The following NRK variants were observed in gnomAD, a reference collection of about 807,000 sequenced individuals.
NRK encodes nik-related protein kinase.
Under a neutral mutation model 125.2 loss-of-function variants are expected in NRK, and 67 were observed. The ratio of observed to expected loss-of-function variants is 0.54; its 90% CI spans 0.44 to 0.66. The LOEUF (loss-of-function observed/expected upper bound fraction) is 0.66, where lower values mean the gene tolerates loss of function less well. Among genes scored for constraint, NRK ranks in the 30% least tolerant of loss-of-function variants. The pLI, the probability that NRK is intolerant of heterozygous loss-of-function variation, is 0.00. For synonymous variants in NRK, 458 were observed against 429.0 expected, an observed-to-expected ratio of 1.07 and a Z score of -0.84; for missense variants, 1,224 against 1,192.9, an observed-to-expected ratio of 1.03 and a Z score of -0.38.
intron 5 of NRK, among the ~76,000 whole-genome samples, chrX:105,889,568 C>T (rs1466404957): frequency 1.8e-5 from 2 of 112,311 alleles, no homozygotes; most frequent in African/African-American, 6.5e-5. Flanking sequence ...TCCACGAGGA[C>T]CTGGCCACTG....
chrX:105,848,555 A>G (rs1322972430), intron 2 of NRK, among the ~76,000 whole-genome samples: 1 of 112,070 alleles, frequency 8.9e-6, no homozygotes, highest in East Asian at 2.8e-4. Context: ...TATGAATGAC[A>G]GCTCTGAGTA....
chrX:105,882,871 A>G (rs1463555528), intron 4 of NRK, among the ~76,000 whole-genome samples: 2 of 112,146 alleles, frequency 1.8e-5, no homozygotes, highest in African/African-American at 6.5e-5. Context: ...TGATTATTTT[A>G]TTAATTTTGG....
intron 1 of NRK, among the ~76,000 whole-genome samples, chrX:105,826,056 CTATA>C (rs780569234): frequency 1.1e-4 from 10 of 93,611 alleles, no homozygotes; most frequent in Admixed American, 3.9e-4. Flanking sequence ...CTCTCTCTCT[CTATA>C]TATATATATA....
chrX:105,920,131 C>A (rs1192896720), intron 16 of NRK, among the ~76,000 whole-genome samples: 2 of 103,770 alleles, frequency 1.9e-5, no homozygotes, highest in African/African-American at 7.2e-5. Flanking sequence ...GTTTTCCCAG[C>A]ACCATTTATT....
intron 2 of NRK, among the ~76,000 whole-genome samples, chrX:105,878,460 A>G (rs2039842861): frequency 9.0e-6 from 1 of 111,520 alleles, no homozygotes; most frequent in African/African-American, 3.2e-5. Context: ...GAAAAATTTA[A>G]AAGAAGCTAA....
At chrX:105,923,876 A>G (rs1284915198) in intron 18 of NRK, among the ~76,000 whole-genome samples, 2 of 76,401 alleles carry the variant, frequency 2.6e-5, no homozygotes, top group Non-Finnish European at 5.0e-5. Context: ...CATTTCTCAA[A>G]CTTTTGTGAT....
intron 19 of NRK, among the ~76,000 whole-genome samples, chrX:105,932,658 C>T (rs1467731129): frequency 9.0e-6 from 1 of 111,458 alleles, no homozygotes; most frequent in Admixed American, 9.5e-5. Context: ...CCAGTCTACT[C>T]CCCTAGCCTA....
At position 105,905,354 on chromosome X, in the gene NRK, A is replaced by G. The variant is rs369229675; in HGVS notation, c.845+11A>G. 8.8e-6 allele frequency: 10 copies of G among 1,130,791 alleles called. No homozygotes were observed. The East Asian group carries it at 3.0e-4, about 34-fold the overall frequency. 93.2% of individuals were successfully genotyped at this position (1,130,791 alleles called of 1,213,427 possible). Reference sequence around the variant, plus strand: ...CAAATCCAGCGGATGGTAAAGATGAATGTCTTAATCTCCTAATTACATTGA... The same window carrying G: ...CAAATCCAGCGGATGGTAAAGATGAGTGTCTTAATCTCCTAATTACATTGA... On this transcript the variant is annotated intron_variant, in intron 10 of 28. Transcript: ENST00000243300.
chrX:105,842,154 A>G (rs899444662), intron 2 of NRK, among the ~76,000 whole-genome samples: 7 of 111,689 alleles, frequency 6.3e-5, no homozygotes, highest in African/African-American at 1.9e-4. Flanking sequence ...GAAACTAATG[A>G]GCTGAGGTCG....
In NRK at chrX:105,822,543, A is replaced by C; in HGVS notation, c.-303A>C. On this transcript the variant is annotated 5_prime_UTR_variant, in exon 1 of 29. Transcript: ENST00000243300. ...AGAGGCGCACCCTGACGGGGCAGACACAGCGCTCTCGACACGGAGCACCCT... is the reference window on the plus strand; with the variant it reads ...AGAGGCGCACCCTGACGGGGCAGACCCAGCGCTCTCGACACGGAGCACCCT... 1 of 331,365 alleles carries C rather than the reference A, an allele frequency of 3.0e-6. No individual in the cohort carries two copies. Among genetic ancestry groups the C allele is most frequent in the Non-Finnish European group, 5.3e-6 (1 of 188,798 alleles). The allele number at this position is 331,365 out of a possible 1,213,427, so 27.3% of individuals were successfully genotyped here. A position where few individuals can be genotyped will look rare whatever the true frequency, so the allele number is the denominator to read the frequency against.
intron 19 of NRK, among the ~76,000 whole-genome samples, chrX:105,927,924 T>G (rs962325127): frequency 9.9e-5 from 11 of 111,528 alleles, no homozygotes; most frequent in African/African-American, 3.6e-4. Flanking sequence ...ATCAGAGATC[T>G]TGGCTTGTAG....
chrX:105,849,282 A>G (rs1258801879), intron 2 of NRK, among the ~76,000 whole-genome samples: 1 of 111,630 alleles, frequency 9.0e-6, no homozygotes, highest in Non-Finnish European at 1.9e-5. Context: ...TGAGAATAGC[A>G]TGGGAAAGAC....
chrX:105,943,873 C>G, intron 23 of NRK, 68 bp from the exon 24 acceptor site: 7 of 551,051 alleles, frequency 1.3e-5, no homozygotes, highest in Non-Finnish European at 1.7e-5. Context: ...TTTTTTATGA[C>G]AAATACAAAT....
intron 25 of NRK, 45 bp downstream of exon 25, chrX:105,946,060 G>T (rs1300049038): frequency 8.8e-7 from 1 of 1,138,183 alleles, no homozygotes; most frequent in Non-Finnish European, 1.2e-6. Context: ...GTCATACAAG[G>T]CTCTTATGAT....
intron 4 of NRK, among the ~76,000 whole-genome samples, chrX:105,885,299 C>T: frequency 8.9e-6 from 1 of 111,947 alleles, no homozygotes; most frequent in Middle Eastern, 4.6e-3. Context: ...TGAGTCATCT[C>T]ACATCACCTT....
intron 16 of NRK, among the ~76,000 whole-genome samples, chrX:105,920,534 T>G (rs1239670726): frequency 1.8e-5 from 2 of 109,137 alleles, no homozygotes; most frequent in African/African-American, 6.7e-5. Context: ...GAGCATGGAA[T>G]GTTCTTCCAT....
intron 19 of NRK, among the ~76,000 whole-genome samples, chrX:105,925,352 G>A (rs1337755315): frequency 9.0e-6 from 1 of 111,025 alleles, no homozygotes; most frequent in African/African-American, 3.3e-5. Context: ...TATTTATGGG[G>A]TACAGAGTGA....
intron 2 of NRK, among the ~76,000 whole-genome samples, chrX:105,860,224 T>G (rs886260627): frequency 9.0e-6 from 1 of 111,324 alleles, no homozygotes; most frequent in Non-Finnish European, 1.9e-5. Context: ...ACAAAAATGC[T>G]TTTTTACCAT....
At position 105,935,316 on chromosome X, in the gene NRK, T is replaced by C. The variant is rs767208979; in HGVS notation, c.3646T>C (p.Ser1216Pro). 8.5e-7 allele frequency: 1 copy of C among 1,183,274 alleles called. No individual in the cohort carries two copies. The highest frequency in any genetic ancestry group is 3.0e-5 in the East Asian group (1 of 33,285). The change falls in exon 21 of 29, where the codon TCT becomes CCT. Residue 1216 changes from serine to proline, a missense_variant. Coordinates refer to ENST00000243300, the MANE Select transcript of NRK (RefSeq NM_198465.4). ...KEFTSEICCG[S>P]LWGVNLLLGT... ...GTTCACTTCTGAGATCTGCTGTGGT[T>C]CTTTGTGGGGTGAGTTTGTTTTGTT...
Sources: allele counts gnomAD v4.1 joint callset (sites outside exome capture counted in the v4.1 genomes callset), GRCh38; gene constraint gnomAD v4.1.1; transcripts MANE v1.5; gene names NCBI Gene and HGNC (gene_info 2026-07-23, HGNC 2026-07-21).